NR1H4: variants seen among roughly 807,000 people sequenced by gnomAD.
The protein encoded by NR1H4 is nuclear receptor subfamily 1 group H member 4.
A neutral mutation model predicts 58.5 loss-of-function variants in NR1H4; 23 were observed. That is an observed-to-expected ratio of 0.39 (90% CI 0.28 to 0.56). The LOEUF is 0.56. NR1H4 is among the 20% of genes least tolerant of loss of function. The pLI is 0.58. For missense variants in NR1H4, 487 were observed against 576.9 expected, an observed-to-expected ratio of 0.84 and a Z score of 1.60; for synonymous variants, 214 against 198.0, an observed-to-expected ratio of 1.08 and a Z score of -0.68.
At chr12:100,532,685 T>C in intron 5 of NR1H4, 75 bp downstream of exon 5, 1 of 1,351,584 alleles carries the variant, frequency 7.4e-7, no homozygotes, top group Non-Finnish European at 1.1e-6. Flanking sequence ...ATCACGAGAG[T>C]GCTACTTCAC....
Position 100,521,217 on chromosome 12 carries a change from T to G in NR1H4, c.445+10074T>G, listed in dbSNP as rs138896524. Among the ~76,000 whole-genome samples the G allele has an allele frequency of 2.0e-3, 303 of 152,270 alleles. 1 individual carries two copies. The highest frequency in any genetic ancestry group is 7.0e-3 in the African/African-American group (291 of 41,566). On this transcript the variant is annotated intron_variant, in intron 4 of 10. Transcript: ENST00000392986. The stretch of plus-strand genomic sequence containing the variant: ...TCTTTTTCTGGTTCCACTAAAAATA[T>G]TTTAATTTGTCTCAGTGTTTTATTT...
Position 100,503,527 on chromosome 12 carries a change from C to A in NR1H4, c.80-7251C>A. The A allele has an allele frequency of 2.6e-6, 4 of 1,552,140 alleles. No individual in the cohort carries two copies. In the South Asian group the frequency reaches 3.6e-5, roughly 14 times the overall value. ...ACACTGTTCACAGGTGCTTTCAGGT[C>A]GAGCTCTTGCAACTGGACTGAGGAA... On this transcript the variant is annotated intron_variant, in intron 3 of 10. Transcript: ENST00000392986.
At chr12:100,534,071 T>C (rs1245689225) in intron 5 of NR1H4, among the ~76,000 whole-genome samples, 1 of 152,032 alleles carries the variant, frequency 6.6e-6, no homozygotes, top group Non-Finnish European at 1.5e-5. Flanking sequence ...TAATTTTTTG[T>C]ATTTTTAGTA....
chr12:100,490,631 C>T (rs1953585552), intron 1 of NR1H4, among the ~76,000 whole-genome samples: 1 of 152,030 alleles, frequency 6.6e-6, no homozygotes, highest in African/African-American at 2.4e-5. Context: ...ATTTATTATA[C>T]AATATACAGA....
intron 1 of NR1H4, among the ~76,000 whole-genome samples, chr12:100,489,631 T>A (rs1404675895): frequency 6.6e-6 from 1 of 152,162 alleles, no homozygotes; most frequent in African/African-American, 2.4e-5. Context: ...AGGCAATAGT[T>A]TACCAACTCT....
intron 9 of NR1H4, 126 bp from the exon 10 acceptor site, chr12:100,561,759 T>C (rs1207760308): frequency 3.2e-6 from 2 of 628,004 alleles, no homozygotes; most frequent in Admixed American, 2.7e-5. Context: ...AAAAATAATA[T>C]AGTCATTATT....
intron 9 of NR1H4, among the ~76,000 whole-genome samples, chr12:100,560,928 C>G (rs1406944645): frequency 6.6e-6 from 1 of 151,858 alleles, no homozygotes; most frequent in Non-Finnish European, 1.5e-5. Flanking sequence ...GGTGTGGATA[C>G]CACTCACCGA....
At chr12:100,561,190 A>C (rs1955463348) in intron 9 of NR1H4, among the ~76,000 whole-genome samples, 1 of 152,056 alleles carries the variant, frequency 6.6e-6, no homozygotes, top group Non-Finnish European at 1.5e-5. Flanking sequence ...AGGTCAGGAG[A>C]TCAAGACCAT....
rs1954096427 is a variant in NR1H4, at chr12:100,510,930, G to A, written c.232G>A (p.Glu78Lys). The change falls in exon 4 of 11, where the codon GAA (glutamate) becomes AAA (lysine). Residue 78 changes from glutamate to lysine, a missense_variant. Glu to Lys is a moderately conservative substitution (Grantham distance 56). Transcript: ENST00000392986. ...SNLGFYPQQP[E>K]EWYSPGIYEL... Reference sequence around the variant, plus strand: ...CCTGGGTTTCTACCCCCAGCAGCCTGAAGAGTGGTACTCTCCTGGAATATA... The same window carrying A: ...CCTGGGTTTCTACCCCCAGCAGCCTAAAGAGTGGTACTCTCCTGGAATATA... 1.5e-5 allele frequency: 25 copies of A among 1,614,214 alleles called. No individual in the cohort carries two copies. Among genetic ancestry groups the A allele is most frequent in the Non-Finnish European group, 1.9e-5 (23 of 1,180,038 alleles).
chr12:100,550,694 T>G (rs1443811966), intron 9 of NR1H4, among the ~76,000 whole-genome samples: 1 of 151,050 alleles, frequency 6.6e-6, no homozygotes, highest in Admixed American at 6.6e-5. Context: ...TTAAGGAAAT[T>G]AGCAATAACC....
chr12:100,495,613 C>G (rs528331728), intron 3 of NR1H4, among the ~76,000 whole-genome samples: 2 of 149,996 alleles, frequency 1.3e-5, no homozygotes, highest in African/African-American at 4.9e-5. Flanking sequence ...TGCCTATAAT[C>G]CCAGCTACTC....
chr12:100,540,316 T>TTTCTTCTG (rs1954905831), intron 8 of NR1H4, among the ~76,000 whole-genome samples: 2 of 152,212 alleles, frequency 1.3e-5, no homozygotes, highest in Non-Finnish European at 2.9e-5. Context: ...GGCTTGTAGA[T>TTTCTTCTG]GCTTCCAATC....
chr12:100,500,504 G>T (rs1251900813), intron 3 of NR1H4, among the ~76,000 whole-genome samples: 1 of 152,148 alleles, frequency 6.6e-6, no homozygotes, highest in African/African-American at 2.4e-5. Context: ...AATGTGACTG[G>T]TGTGACTGAG....
chr12:100,510,090 A>C (rs1175061215), intron 3 of NR1H4, among the ~76,000 whole-genome samples: 2 of 152,380 alleles, frequency 1.3e-5, no homozygotes, highest in East Asian at 3.9e-4. Context: ...GGATGTAACA[A>C]ATTTATTGAA....
At chr12:100,476,673 C>T (rs1171787278) in intron 1 of NR1H4, among the ~76,000 whole-genome samples, 1 of 152,102 alleles carries the variant, frequency 6.6e-6, no homozygotes, top group Non-Finnish European at 1.5e-5. Flanking sequence ...CCTTTGCTCT[C>T]AGTCTCATTT....
Position 100,528,816 on chromosome 12 carries a change from G to A in NR1H4, c.446-3642G>A, listed in dbSNP as rs1013526112. On this transcript the variant is annotated intron_variant, in intron 4 of 10. Transcript: ENST00000392986. ...AAAAAACCCTGCAGAATGGTTCTACGCACTGTTCCTTTGACTCATCTTGGA... is the reference window on the plus strand; with the variant it reads ...AAAAAACCCTGCAGAATGGTTCTACACACTGTTCCTTTGACTCATCTTGGA... 8.5e-5 allele frequency among the ~76,000 whole-genome samples: 13 copies of A among 152,216 alleles called. No homozygotes were observed. In the East Asian group the frequency reaches 9.7e-4, roughly 11 times the overall value.
chr12:100,494,938 C>A (rs1229143338), intron 3 of NR1H4, among the ~76,000 whole-genome samples: 2 of 152,112 alleles, frequency 1.3e-5, no homozygotes, highest in Non-Finnish European at 2.9e-5. Context: ...CTATTCAGCT[C>A]CAATTTGCAT....
chr12:100,519,933 C>T (rs567805690), intron 4 of NR1H4, among the ~76,000 whole-genome samples: 10 of 152,174 alleles, frequency 6.6e-5, no homozygotes, highest in Non-Finnish European at 1.3e-4. Context: ...AAGCCAAAAA[C>T]AGGCTCCTTT....
At chr12:100,514,298 G>A (rs1327063910) in intron 4 of NR1H4, among the ~76,000 whole-genome samples, 2 of 152,138 alleles carry the variant, frequency 1.3e-5, no homozygotes, top group Non-Finnish European at 2.9e-5. Flanking sequence ...TGAATCTGTA[G>A]TACCATATTT....
Sources: gnomAD v4.1 joint callset for allele counts (sites outside exome capture counted in the v4.1 genomes callset) on GRCh38, gnomAD v4.1.1 for gene constraint, MANE v1.5 for transcripts, NCBI Gene and HGNC (gene_info 2026-07-23, HGNC 2026-07-21) for gene names.